Variants in PCNX1 observed in about 807,000 individuals in gnomAD.
PCNX1 encodes pecanex-like protein 1.
In PCNX1, 78 loss-of-function variants were observed where a neutral mutation model predicts 242.2. The observed-to-expected ratio is 0.32, with a 90% CI of 0.27 to 0.39. The LOEUF is 0.39. PCNX1 is among the 10% of genes least tolerant of loss of function. PCNX1 has a pLI of 1.00. For synonymous variants in PCNX1, 1,024 were observed against 1,032.9 expected (o/e 0.99, Z 0.17); for missense variants, 2,581 against 2,856.5 (o/e 0.90, Z 2.20).
chr14:70,979,726 C>T (rs1443920729), intron 6 of PCNX1, among the ~76,000 whole-genome samples: 1 of 152,084 alleles, frequency 6.6e-6, no homozygotes, highest in South Asian at 2.1e-4. Flanking sequence ...TAATTTCACC[C>T]GAAGTATTTT....
intron 24 of PCNX1, 81 bp from the exon 25 acceptor site, chr14:71,055,423 C>T: frequency 1.3e-6 from 1 of 791,670 alleles, no homozygotes; most frequent in Non-Finnish European, 2.1e-6. Flanking sequence ...TTATACATTT[C>T]CTATAGTTTC....
In PCNX1 at chr14:71,015,627, C is replaced by T. The variant is rs150854013; in HGVS notation, c.2996+2425C>T. On this transcript the variant is annotated intron_variant, in intron 11 of 35. Transcript: ENST00000304743. ...CCTTGGCAACCTAGTGAGACTCTGT[C>T]TCTACAAACATATTTTTAAAAATTC... Among the ~76,000 whole-genome samples the T allele has an allele frequency of 3.3e-3, 506 of 152,168 alleles. 5 individuals are homozygous for T. Among genetic ancestry groups the T allele is most frequent in the African/African-American group, 0.011 (474 of 41,506 alleles).
intron 7 of PCNX1, among the ~76,000 whole-genome samples, chr14:70,990,338 G>T (rs922261491): frequency 2.0e-5 from 3 of 151,832 alleles, no homozygotes; most frequent in Non-Finnish European, 4.4e-5. Context: ...GAGGTGGGCG[G>T]ATCACCTGAG....
At chr14:70,995,665 C>A in intron 7 of PCNX1, 76 bp from the exon 8 acceptor site, 1 of 1,323,020 alleles carries the variant, frequency 7.6e-7, no homozygotes. Flanking sequence ...AATCAGTTTT[C>A]TATGTTGACT....
At chr14:71,052,797 T>A (rs1415688017) in intron 24 of PCNX1, among the ~76,000 whole-genome samples, 2 of 152,222 alleles carry the variant, frequency 1.3e-5, no homozygotes, top group African/African-American at 4.8e-5. Context: ...GCTTAGTTCC[T>A]TGGGCTAGCT....
At chr14:71,080,562 G>T (rs1257774727) in intron 28 of PCNX1, among the ~76,000 whole-genome samples, 2 of 152,268 alleles carry the variant, frequency 1.3e-5, no homozygotes, top group South Asian at 4.1e-4. Flanking sequence ...GCAGTGGTTT[G>T]TAGTTCTCCT....
intron 34 of PCNX1, 109 bp downstream of exon 34, chr14:71,109,155 G>A: frequency 1.0e-6 from 1 of 1,002,540 alleles, no homozygotes; most frequent in Non-Finnish European, 1.4e-6. Flanking sequence ...CTTAGTCTCA[G>A]GACTAGAATA....
intron 26 of PCNX1, among the ~76,000 whole-genome samples, chr14:71,061,070 T>C (rs1271322275): frequency 2.0e-5 from 3 of 152,206 alleles, no homozygotes; most frequent in Admixed American, 6.5e-5. Flanking sequence ...ATCTTCAGTA[T>C]AGATGAAAGC....
intron 6 of PCNX1, among the ~76,000 whole-genome samples, chr14:70,987,918 A>G (rs1445161930): frequency 6.6e-6 from 1 of 152,188 alleles, no homozygotes; most frequent in African/African-American, 2.4e-5. Flanking sequence ...TAAAGTTGAG[A>G]GGACCAGAGC....
At chr14:70,964,007 T>TTTG (rs796450294) in intron 3 of PCNX1, among the ~76,000 whole-genome samples, 2 of 152,210 alleles carry the variant, frequency 1.3e-5, no homozygotes, top group Admixed American at 6.5e-5. Flanking sequence ...CAAGAGTTTT[T>TTTG]TTGTTGTTGT....
intron 11 of PCNX1, among the ~76,000 whole-genome samples, chr14:71,018,591 A>G (rs2060018302): frequency 6.6e-6 from 1 of 152,218 alleles, no homozygotes; most frequent in Non-Finnish European, 1.5e-5. Flanking sequence ...CATATAACAA[A>G]TGTTTTAAAT....
chr14:71,103,560 T>C lies in PCNX1; in HGVS notation c.5986T>C (p.Ser1996Pro). ...DQPIGYPIFVSPLTTSYSDSH... is the reference protein window; with the variant it reads ...DQPIGYPIFVPPLTTSYSDSH... ...ACCTATTGGCTACCCAATCTTTGTC[T>C]CACCCCTGACAACTTCTTACTCTGA... The change falls in exon 32 of 36, where the codon TCA (serine) becomes CCA (proline). Residue 1996 changes from serine (S) to proline (P), a missense_variant. Transcript: ENST00000304743. 1 of 1,614,166 alleles carries C rather than the reference T, an allele frequency of 6.2e-7. No individual in the cohort carries two copies. The highest frequency in any genetic ancestry group is 8.5e-7 in the Non-Finnish European group (1 of 1,180,022).
chr14:70,962,711 G>A (rs2058260522), intron 3 of PCNX1, among the ~76,000 whole-genome samples: 1 of 152,186 alleles, frequency 6.6e-6, no homozygotes, highest in South Asian at 2.1e-4. Flanking sequence ...ATCTCTCAGT[G>A]TTCAAGATGT....
At chr14:71,047,473 A>G (rs1321454107) in intron 21 of PCNX1, among the ~76,000 whole-genome samples, 1 of 152,158 alleles carries the variant, frequency 6.6e-6, no homozygotes, top group Non-Finnish European at 1.5e-5. Flanking sequence ...TGTTGAGTCA[A>G]GCATTAATAT....
chr14:71,047,850 C>T lies in PCNX1; in HGVS notation c.4204C>T (p.Arg1402Ter). The T allele has an allele frequency of 6.2e-7, 1 of 1,612,602 alleles. No individual in the cohort carries two copies. Among genetic ancestry groups the T allele is most frequent in the Non-Finnish European group, 8.5e-7 (1 of 1,178,982 alleles). Residue 1402 changes from arginine to a stop codon, truncating the protein, a stop_gained, in exon 22 of 36, where the codon CGA becomes TGA. Coordinates refer to ENST00000304743, the MANE Select transcript of PCNX1 (RefSeq NM_014982.3). LOFTEE classifies it high-confidence loss of function. ...CACTGTTGCTGGTTTGAAGTTGCTA[C>T]GATCCTCTTTTAGCAGCCCTACATA... ...MITVAGLKLLRSSFSSPTYQY... is the reference protein window; with the variant it reads ...MITVAGLKLL
chr14:71,079,667 A>G (rs2061803214), intron 28 of PCNX1, among the ~76,000 whole-genome samples: 1 of 152,204 alleles, frequency 6.6e-6, no homozygotes, highest in Non-Finnish European at 1.5e-5. Context: ...TGTTAGCCAC[A>G]TAAATGTCTT....
chr14:70,948,087 C>A (rs909037198), intron 2 of PCNX1, among the ~76,000 whole-genome samples: 3 of 152,206 alleles, frequency 2.0e-5, no homozygotes, highest in African/African-American at 7.2e-5. Flanking sequence ...TTATCAATGA[C>A]AATCTGTGCA....
chr14:71,109,486 A>G lies in PCNX1; in HGVS notation c.6779A>G (p.Asn2260Ser), dbSNP rs1025909733. The G allele has an allele frequency of 7.4e-6, 12 of 1,613,734 alleles. No individual in the cohort carries two copies. The highest frequency in any genetic ancestry group is 1.3e-5 in the African/African-American group (1 of 74,940). Residue 2260 changes from asparagine (N) to serine (S), a missense_variant, in exon 35 of 36, where the codon AAC becomes AGC. Coordinates refer to ENST00000304743, the MANE Select transcript of PCNX1 (RefSeq NM_014982.3). ...VDPSQILEGINLSKRKELQWP... is the reference protein window; with the variant it reads ...VDPSQILEGISLSKRKELQWP... The stretch of plus-strand genomic sequence containing the variant: ...CCCAGTCAAATTCTGGAAGGGATCA[A>G]CCTGTCTAAAAGGAAAGAGCTACAG...
At chr14:71,011,448 C>G (rs1395624560) in intron 9 of PCNX1, 44 bp from the exon 10 acceptor site, 4 of 1,072,962 alleles carry the variant, frequency 3.7e-6, no homozygotes, top group Non-Finnish European at 4.3e-6. Context: ...ATATATTTTT[C>G]TTTCTGCTTG....
Sources: allele counts gnomAD v4.1 joint callset (sites outside exome capture counted in the v4.1 genomes callset), GRCh38; gene constraint gnomAD v4.1.1; transcripts MANE v1.5; gene names NCBI Gene and HGNC (gene_info 2026-07-23, HGNC 2026-07-21).